EIF3H: variants seen among roughly 807,000 people sequenced by gnomAD.
The protein encoded by EIF3H is eIF-3-gamma.
In EIF3H, 26 loss-of-function variants were observed where a neutral mutation model predicts 44.2. The observed-to-expected ratio is 0.59, with a 90% CI of 0.43 to 0.82. EIF3H has a LOEUF of 0.82. Among genes scored for constraint, EIF3H ranks in the 40% least tolerant of loss-of-function variants. The probability of loss-of-function intolerance (pLI) is 0.00; values close to 1 mark genes in which losing one functional copy is unlikely to be tolerated. For missense variants in EIF3H, 359 were observed against 432.8 expected (o/e 0.83, Z 1.51); for synonymous variants, 166 against 151.9 (o/e 1.09, Z -0.68).
In EIF3H at chr8:116,648,836, A is replaced by G. The variant is rs1586430291; in HGVS notation, c.798T>C (p.Asn266=). Residue 266 remains asparagine, a synonymous_variant, in exon 6 of 8, where the codon AAT becomes AAC. Transcript: ENST00000521861. ...GTTTCTGCTGCTGTTGTTTACTAGTATTCCTCATGTATGTGTTGTATTTAA... is the reference window on the plus strand; with the variant it reads ...GTTTCTGCTGCTGTTGTTTACTAGTGTTCCTCATGTATGTGTTGTATTTAA... ...DIVKYNTYMR[N]TSKQQQQKHQ... 10 of 1,608,614 alleles carry G rather than the reference A, an allele frequency of 6.2e-6. No homozygotes were observed. The highest frequency in any genetic ancestry group is 4.0e-5 in the African/African-American group (3 of 74,670).
intron 2 of EIF3H, among the ~76,000 whole-genome samples, chr8:116,725,594 G>T (rs1193965917): frequency 6.6e-6 from 1 of 152,148 alleles, no homozygotes; most frequent in Non-Finnish European, 1.5e-5. Context: ...TTTCTGAAAT[G>T]CTTGAGGAGT....
At chr8:116,708,512 TTTCA>T (rs1814510426) in intron 2 of EIF3H, among the ~76,000 whole-genome samples, 2 of 152,182 alleles carry the variant, frequency 1.3e-5, no homozygotes, top group African/African-American at 4.8e-5. Flanking sequence ...TGACTATAAA[TTTCA>T]TTCAATTATA....
chr8:116,738,998 G>A (rs1459694306), intron 1 of EIF3H, among the ~76,000 whole-genome samples: 1 of 152,126 alleles, frequency 6.6e-6, no homozygotes, highest in Non-Finnish European at 1.5e-5. Flanking sequence ...GCCATAAAGT[G>A]GCCCCAAAAC....
At chr8:116,764,975 T>A (rs1298170029) in intron 1 of EIF3H, among the ~76,000 whole-genome samples, 4 of 152,184 alleles carry the variant, frequency 2.6e-5, no homozygotes, top group Non-Finnish European at 5.9e-5. Context: ...AAAACTAAGA[T>A]AAGACTAAAA....
upstream of EIF3H, among the ~76,000 whole-genome samples, chr8:116,758,163 T>C (rs1043380833): frequency 3.9e-5 from 6 of 152,150 alleles, no homozygotes; most frequent in African/African-American, 9.7e-5. Context: ...AGTAAAACGA[T>C]GGAAAAATAT....
chr8:116,656,017 G>A lies in EIF3H; in HGVS notation c.558-12C>T, dbSNP rs201605498. The A allele has an allele frequency of 5.0e-6, 8 of 1,610,130 alleles. No individual in the cohort carries two copies. Among genetic ancestry groups the A allele is most frequent in the Non-Finnish European group, 6.8e-6 (8 of 1,178,102 alleles). ...TTGCTTTTTTCAATCTGTGAAGCATGTTAAAAATACTTTAGTCTGATGGTC... is the reference window on the plus strand; with the variant it reads ...TTGCTTTTTTCAATCTGTGAAGCATATTAAAAATACTTTAGTCTGATGGTC... On this transcript the variant is annotated splice_polypyrimidine_tract_variant and intron_variant, in intron 4 of 7. Transcript: ENST00000521861.
At chr8:116,752,889 G>GT (rs1200863754) in intron 1 of EIF3H, among the ~76,000 whole-genome samples, 5 of 151,558 alleles carry the variant, frequency 3.3e-5, no homozygotes, top group East Asian at 1.9e-4. Flanking sequence ...TAAGGAAGGA[G>GT]TTTTTTTTAA....
At chr8:116,667,298 A>C (rs1813686085) in intron 2 of EIF3H, among the ~76,000 whole-genome samples, 1 of 152,178 alleles carries the variant, frequency 6.6e-6, no homozygotes, top group Non-Finnish European at 1.5e-5. Context: ...CCCTAAAATG[A>C]AATTTTCATG....
chr8:116,766,361 T>G (rs1025547771), upstream of EIF3H: 1 of 427,334 alleles, frequency 2.3e-6, no homozygotes, highest in Non-Finnish European at 4.1e-6. Context: ...CCAGCGGTTT[T>G]CCAGCGTACG....
At position 116,655,304 on chromosome 8, in the gene EIF3H, G is replaced by A. The variant is rs538661816; in HGVS notation, c.707+552C>T. On this transcript the variant is annotated intron_variant, in intron 5 of 7. Coordinates refer to ENST00000521861, the MANE Select transcript of EIF3H (RefSeq NM_003756.3). ...GCAACTAGATAGCTAAGGCAGTCAC[G>A]GTGGAGGAAATCGTTATCACCAACT... Among the ~76,000 whole-genome samples the A allele has an allele frequency of 6.0e-5, 9 of 150,288 alleles. No individual in the cohort carries two copies. The East Asian group carries it at 1.2e-3, about 19-fold the overall frequency.
intron 5 of EIF3H, among the ~76,000 whole-genome samples, chr8:116,652,221 G>A (rs1813406249): frequency 6.6e-6 from 1 of 152,190 alleles, no homozygotes; most frequent in East Asian, 1.9e-4. Flanking sequence ...ATTACATGCT[G>A]AAGAGTCTAA....
intron 2 of EIF3H, among the ~76,000 whole-genome samples, chr8:116,716,890 A>C (rs938331308): frequency 1.3e-5 from 2 of 152,082 alleles, no homozygotes; most frequent in Admixed American, 6.6e-5. Flanking sequence ...CAAAACAAAC[A>C]AACAAAACAC....
intron 5 of EIF3H, among the ~76,000 whole-genome samples, chr8:116,652,041 G>A (rs1200379947): frequency 6.6e-6 from 1 of 152,212 alleles, no homozygotes; most frequent in Non-Finnish European, 1.5e-5. Flanking sequence ...AGTCACAGGA[G>A]TAAGACAAAA....
chr8:116,721,984 A>G (rs562934056), intron 2 of EIF3H, among the ~76,000 whole-genome samples: 83 of 152,334 alleles, frequency 5.4e-4, no homozygotes, highest in Admixed American at 3.7e-3. Flanking sequence ...TTCGGGGCAC[A>G]GTTGGGAAGG....
chr8:116,733,748 C>G (rs1814988090), intron 1 of EIF3H, among the ~76,000 whole-genome samples: 1 of 151,732 alleles, frequency 6.6e-6, no homozygotes, highest in African/African-American at 2.4e-5. Flanking sequence ...TAAAAATAAC[C>G]TCTATTGCAA....
intron 2 of EIF3H, among the ~76,000 whole-genome samples, chr8:116,669,255 T>A (rs1430972446): frequency 6.6e-6 from 1 of 152,182 alleles, no homozygotes; most frequent in East Asian, 1.9e-4. Flanking sequence ...GAAATTAGAT[T>A]TCAAGAAAAG....
chr8:116,719,612 T>A (rs1193089897), intron 2 of EIF3H, among the ~76,000 whole-genome samples: 1 of 152,108 alleles, frequency 6.6e-6, no homozygotes, highest in Non-Finnish European at 1.5e-5. Context: ...TAAATGGTTG[T>A]CAGAAAATTT....
chr8:116,709,054 T>C (rs550474144), intron 2 of EIF3H, among the ~76,000 whole-genome samples: 42 of 152,086 alleles, frequency 2.8e-4, no homozygotes, highest in African/African-American at 1.0e-3. Context: ...ATCGCAAAGA[T>C]GACAAGAAAC....
chr8:116,669,250 T>C (rs1424327121), intron 2 of EIF3H, among the ~76,000 whole-genome samples: 1 of 152,100 alleles, frequency 6.6e-6, no homozygotes, highest in Admixed American at 6.6e-5. Context: ...CTACAGAAAT[T>C]AGATTTCAAG....
Sources: gnomAD v4.1 joint callset for allele counts (sites outside exome capture counted in the v4.1 genomes callset) on GRCh38, gnomAD v4.1.1 for gene constraint, MANE v1.5 for transcripts, NCBI Gene and HGNC (gene_info 2026-07-23, HGNC 2026-07-21) for gene names.